The following MAP2K4 variants were observed in gnomAD, a reference collection of about 807,000 sequenced individuals.
MAP2K4 encodes mitogen-activated protein kinase kinase 4.
Under a neutral mutation model 48.5 loss-of-function variants are expected in MAP2K4, and 4 were observed. The ratio of observed to expected loss-of-function variants is 0.08; its 90% CI spans 0.04 to 0.19. The LOEUF (loss-of-function observed/expected upper bound fraction) is 0.19. MAP2K4 is among the 10% of genes least tolerant of loss of function. The pLI, the probability that MAP2K4 is intolerant of heterozygous loss-of-function variation, is 1.00. For missense variants in MAP2K4, 258 were observed against 493.3 expected (o/e 0.52, Z 4.52); for synonymous variants, 166 against 173.1 (o/e 0.96, Z 0.32).
In MAP2K4 at chr17:12,122,194, G is replaced by A. The variant is rs570891339; in HGVS notation, c.814-3100G>A. 2.6e-5 allele frequency among the ~76,000 whole-genome samples: 4 copies of A among 152,276 alleles called. No homozygotes were observed. The East Asian group carries it at 7.7e-4, about 29-fold the overall frequency. On this transcript the variant is annotated intron_variant, in intron 7 of 10. Coordinates refer to ENST00000353533, the MANE Select transcript of MAP2K4 (RefSeq NM_003010.4). Reference sequence around the variant, plus strand: ...ATTCCGTTCACCTTATCTTATTTAAGTGCTAACTTACTGAGGATGAGAGGA... The same window carrying A: ...ATTCCGTTCACCTTATCTTATTTAAATGCTAACTTACTGAGGATGAGAGGA...
At chr17:12,107,559 C>T (rs377687880) in intron 4 of MAP2K4, among the ~76,000 whole-genome samples, 1 of 151,762 alleles carries the variant, frequency 6.6e-6, no homozygotes, top group African/African-American at 2.4e-5. Flanking sequence ...AAGCCTGTCC[C>T]TGTCCATACA....
At chr17:12,075,237 G>A (rs1597441018) in intron 2 of MAP2K4, among the ~76,000 whole-genome samples, 1 of 152,142 alleles carries the variant, frequency 6.6e-6, no homozygotes, top group South Asian at 2.1e-4. Context: ...GGATGGATAC[G>A]CAACAAGATT....
chr17:12,094,361 A>G (rs1306031890), intron 3 of MAP2K4, among the ~76,000 whole-genome samples: 7 of 152,250 alleles, frequency 4.6e-5, no homozygotes, highest in East Asian at 1.9e-4. Flanking sequence ...CTCATGTCAC[A>G]TGAAATACAT....
rs202104204 is a variant in MAP2K4, at chr17:12,081,550, T to C, written c.393+20T>C. 6.2e-5 allele frequency: 100 copies of C among 1,610,538 alleles called. No individual in the cohort carries two copies. The highest frequency in any genetic ancestry group is 7.7e-5 in the Non-Finnish European group (91 of 1,177,784). On this transcript the variant is annotated intron_variant, in intron 3 of 10. Coordinates refer to ENST00000353533, the MANE Select transcript of MAP2K4 (RefSeq NM_003010.4). This position sits in a 1 kb window ranked among gnomAD's most constrained non-coding sequence, Gnocchi z 4.2. ...GTTAAAGTAGGTGATGCCATGATTA[T>C]TTTTGGTACTTTAATCCATTAGGTG...
intron 2 of MAP2K4, among the ~76,000 whole-genome samples, chr17:12,065,940 C>T (rs1466347057): frequency 1.3e-5 from 2 of 152,094 alleles, no homozygotes; most frequent in Non-Finnish European, 2.9e-5. Context: ...GTGGTTTCCC[C>T]TTTCATAATG....
intron 1 of MAP2K4, among the ~76,000 whole-genome samples, chr17:12,027,469 A>C (rs1201972604): frequency 6.6e-6 from 1 of 152,132 alleles, no homozygotes; most frequent in Non-Finnish European, 1.5e-5. Context: ...GTTGCCAGAC[A>C]TATATATCTG....
At position 12,045,312 on chromosome 17, in the gene MAP2K4, G is replaced by GT. The variant is rs1377551103; in HGVS notation, c.116-9577_116-9576insT. 1.6e-3 allele frequency among the ~76,000 whole-genome samples: 249 copies of GT among 152,262 alleles called. 1 individual carries two copies. Among genetic ancestry groups the GT allele is most frequent in the African/African-American group, 5.8e-3 (239 of 41,554 alleles). On this transcript the variant is annotated intron_variant, in intron 1 of 10. Transcript: ENST00000353533. ...TAGGTGGTGAACAGTTGTTAAAATA[G>GT]GGTGGTGATAGGATGTCATGGCATT...
chr17:12,133,615 A>G (rs1019016075), intron 9 of MAP2K4, among the ~76,000 whole-genome samples: 1 of 152,090 alleles, frequency 6.6e-6, no homozygotes, highest in African/African-American at 2.4e-5. Flanking sequence ...AATTTTTTTT[A>G]GGGGAAAAAT....
At chr17:12,058,340 C>T (rs1970348825) in intron 2 of MAP2K4, among the ~76,000 whole-genome samples, 1 of 151,178 alleles carries the variant, frequency 6.6e-6, no homozygotes, top group Non-Finnish European at 1.5e-5. Context: ...GCTGGGATTA[C>T]AGGCATGAGG....
chr17:12,095,878 G>A (rs1376662167), intron 4 of MAP2K4, among the ~76,000 whole-genome samples, 184 bp downstream of exon 4: 3 of 145,984 alleles, frequency 2.1e-5, no homozygotes, highest in Non-Finnish European at 4.5e-5. Context: ...TGGGTAAGGG[G>A]TGAATCACAC....
Position 12,079,973 on chromosome 17 carries a change from T to G in MAP2K4, c.219-1383T>G, listed in dbSNP as rs190165872. On this transcript the variant is annotated intron_variant, in intron 2 of 10. Coordinates refer to ENST00000353533, the MANE Select transcript of MAP2K4 (RefSeq NM_003010.4). ...TAATATGGGTGAAAGGACTTTGAACTGAAAAGCACTTGTATGAATGAAAGC... is the reference window on the plus strand; with the variant it reads ...TAATATGGGTGAAAGGACTTTGAACGGAAAAGCACTTGTATGAATGAAAGC... Among the ~76,000 whole-genome samples, 15 of 152,348 alleles carry G rather than the reference T, an allele frequency of 9.8e-5. No individual in the cohort carries two copies. In the East Asian group the frequency reaches 2.5e-3, roughly 25 times the overall value.
At chr17:12,109,232 C>G (rs1372734740) in intron 5 of MAP2K4, among the ~76,000 whole-genome samples, 1 of 151,872 alleles carries the variant, frequency 6.6e-6, no homozygotes, top group Non-Finnish European at 1.5e-5. Context: ...AACAGGGTGA[C>G]CATGAAATTA....
intron 4 of MAP2K4, among the ~76,000 whole-genome samples, chr17:12,103,455 C>CT (rs1269247404): frequency 1.3e-5 from 2 of 151,868 alleles, no homozygotes; most frequent in African/African-American, 2.4e-5. Flanking sequence ...GCTTAATTTG[C>CT]TTTTTTTGTT....
At chr17:12,093,976 A>G (rs1271007351) in intron 3 of MAP2K4, among the ~76,000 whole-genome samples, 1 of 152,212 alleles carries the variant, frequency 6.6e-6, no homozygotes, top group African/African-American at 2.4e-5. Context: ...TTGACTTTTA[A>G]AAATATCCTT....
At chr17:12,024,466 TTC>T in intron 1 of MAP2K4, among the ~76,000 whole-genome samples, 1 of 152,336 alleles carries the variant, frequency 6.6e-6, no homozygotes, top group Non-Finnish European at 1.5e-5. Flanking sequence ...TCATTTTTTT[TTC>T]ATGTTCATTC....
At chr17:12,119,376 A>G (rs1400030183) in intron 7 of MAP2K4, among the ~76,000 whole-genome samples, 2 of 152,352 alleles carry the variant, frequency 1.3e-5, no homozygotes, top group Non-Finnish European at 2.9e-5. Context: ...CATGCATCCA[A>G]CAAGCATATG....
At chr17:12,072,723 G>A (rs534111850) in intron 2 of MAP2K4, among the ~76,000 whole-genome samples, 1 of 152,256 alleles carries the variant, frequency 6.6e-6, no homozygotes, top group African/African-American at 2.4e-5. Context: ...GAATACCCTA[G>A]ATTTCAGGTC....
chr17:12,022,091 G>A (rs1969094639), intron 1 of MAP2K4, among the ~76,000 whole-genome samples: 1 of 152,224 alleles, frequency 6.6e-6, no homozygotes, highest in Non-Finnish European at 1.5e-5. Context: ...GGTAGTCAGT[G>A]TGACCATGGT....
intron 1 of MAP2K4, among the ~76,000 whole-genome samples, chr17:12,042,876 C>T (rs536070300): frequency 1.3e-5 from 2 of 152,010 alleles, no homozygotes; most frequent in South Asian, 4.1e-4. Context: ...TGAAACCCCG[C>T]CTCTACTAAA....
Sources: allele counts gnomAD v4.1 joint callset (sites outside exome capture counted in the v4.1 genomes callset), GRCh38; gene constraint gnomAD v4.1.1; non-coding constraint Gnocchi (gnomAD v3.1); transcripts MANE v1.5; gene names NCBI Gene and HGNC (gene_info 2026-07-23, HGNC 2026-07-21).